CCT6A: variants seen among roughly 807,000 people sequenced by gnomAD.
CCT6A encodes the protein T-complex protein 1 subunit zeta.
A neutral mutation model predicts 58.6 loss-of-function variants in CCT6A; 6 were observed. The ratio of observed to expected loss-of-function variants is 0.10; its 90% CI spans 0.06 to 0.20. The LOEUF is 0.20. CCT6A is among the 10% of genes least tolerant of loss of function. The pLI, the probability that CCT6A is intolerant of heterozygous loss-of-function variation, is 1.00. For synonymous variants in CCT6A, 245 were observed against 227.8 expected (o/e 1.08, Z -0.68); for missense variants, 516 against 648.8 (o/e 0.80, Z 2.22).
chr7:56,058,353 TC>T lies in CCT6A; in HGVS notation c.726-8del, dbSNP rs758203138. On this transcript the variant is annotated splice_region_variant and splice_polypyrimidine_tract_variant and intron_variant, in intron 6 of 13. Transcript: ENST00000275603. Reference sequence around the variant, plus strand: ...CCCTGCTTTCTGTAACTTTTTTTTTTCTTAATAGAGAAGTGAATTCTGGCTT... The same window carrying T: ...CCCTGCTTTCTGTAACTTTTTTTTTTTTAATAGAGAAGTGAATTCTGGCTT... The T allele has an allele frequency of 3.2e-6, 5 of 1,555,088 alleles. No homozygotes were observed. Among genetic ancestry groups the T allele is most frequent in the Non-Finnish European group, 3.5e-6 (4 of 1,156,496 alleles).
At chr7:56,053,171 C>T (rs924866733) in intron 2 of CCT6A, among the ~76,000 whole-genome samples, 1 of 152,134 alleles carries the variant, frequency 6.6e-6, no homozygotes, top group African/African-American at 2.4e-5. Flanking sequence ...TGTCTCTTTG[C>T]AAGTCTTAGG....
rs1235581278 is a variant in CCT6A at position 56,059,582 on chromosome 7, T to C, written c.1007T>C (p.Phe336Ser). Residue 336 changes from phenylalanine to serine, a missense_variant, in exon 9 of 14, where the codon TTT becomes TCT. Physicochemically the swap from Phe to Ser is radical, Grantham distance 155. Coordinates refer to ENST00000275603, the MANE Select transcript of CCT6A (RefSeq NM_001762.4). ...TGTGGTGGGGTAGCCCTGAATTCTT[T>C]TGACGACCTAAGTCCTGACTGCTTG... ...LACGGVALNS[F>S]DDLSPDCLGH... 6.2e-7 allele frequency: 1 copy of C among 1,609,924 alleles called. No homozygotes were observed. Among genetic ancestry groups the C allele is most frequent in the Admixed American group, 1.7e-5 (1 of 60,010 alleles).
At chr7:56,058,978 T>A (rs1794373019) in intron 8 of CCT6A, 1 of 232,036 alleles carries the variant, frequency 4.3e-6, no homozygotes. Context: ...TATACTTTTT[T>A]CCAAAGAGCT....
chr7:56,060,112 ATTTCT>A (rs969233149), intron 9 of CCT6A, 152 bp from the exon 10 acceptor site: 7 of 624,988 alleles, frequency 1.1e-5, no homozygotes, highest in African/African-American at 7.4e-5. Context: ...GGAAAATCAC[ATTTCT>A]TTTATGTGAT....
rs747944355 is a variant in CCT6A at position 56,058,343 on chromosome 7, CTTTT to C, written c.726-12_726-9del. 17 of 1,431,148 alleles carry C rather than the reference CTTTT, an allele frequency of 1.2e-5. No individual in the cohort carries two copies. In the Admixed American group the frequency reaches 3.8e-4, roughly 32 times the overall value. 88.7% of individuals were successfully genotyped at this position (1,431,148 alleles called of 1,614,324 possible). A position where few individuals can be genotyped will look rare whatever the true frequency, so the allele number is the denominator to read the frequency against. On this transcript the variant is annotated splice_polypyrimidine_tract_variant and intron_variant, in intron 6 of 13. Transcript: ENST00000275603. Reference sequence around the variant, plus strand: ...CTTAATGTTTCCCTGCTTTCTGTAACTTTTTTTTTTCTTAATAGAGAAGTGAATT... The same window carrying C: ...CTTAATGTTTCCCTGCTTTCTGTAACTTTTTTCTTAATAGAGAAGTGAATT...
chr7:56,058,856 CTT>C, intron 8 of CCT6A, 154 bp downstream of exon 8: 3 of 501,140 alleles, frequency 6.0e-6, no homozygotes, highest in Non-Finnish European at 1.1e-5. Context: ...ATCTCTAGGA[CTT>C]TTTTCATCAT....
intron 3 of CCT6A, among the ~76,000 whole-genome samples, chr7:56,054,804 A>C (rs1248212721): frequency 6.6e-6 from 1 of 152,230 alleles, no homozygotes; most frequent in Non-Finnish European, 1.5e-5. Context: ...ATTTGTTAGG[A>C]AAAAGGCAAC....
rs146242535 is a variant in CCT6A, at chr7:56,058,051, G to T, written c.673G>T (p.Val225Leu). The change falls in exon 6 of 14, where the codon GTG (valine) becomes TTG (leucine). Residue 225 changes from valine (V) to leucine (L), a missense_variant. Val to Leu is a conservative substitution (Grantham distance 32). Transcript: ENST00000275603. ...GARHPDMKKR[V>L]EDAYILTCNV... ...ACGGCATCCTGATATGAAGAAAAGG[G>T]TGGAGGATGCATACATCCTCACTTG... 26 of 1,612,850 alleles carry T rather than the reference G, an allele frequency of 1.6e-5. No individual in the cohort carries two copies. The African/African-American group carries it at 3.2e-4, about 20-fold the overall frequency.
At chr7:56,054,806 A>T (rs73142776) in intron 3 of CCT6A, among the ~76,000 whole-genome samples, 2,144 of 152,346 alleles carry the variant, frequency 0.014, 18 homozygotes, top group Non-Finnish European at 0.023. Flanking sequence ...TTGTTAGGAA[A>T]AAGGCAACCA....
At chr7:56,061,712 C>CCTGTTTT in intron 11 of CCT6A, 35 bp from the exon 12 acceptor site, 1 of 400,676 alleles carries the variant, frequency 2.5e-6, no homozygotes, top group East Asian at 6.0e-5. Flanking sequence ...GTTATTAGTT[C>CCTGTTTT]CTGTTTTCTC....
intron 3 of CCT6A, 53 bp from the exon 4 acceptor site, chr7:56,055,571 A>G (rs1294577109): frequency 2.1e-6 from 3 of 1,441,298 alleles, no homozygotes; most frequent in East Asian, 4.6e-5. Context: ...CTTTATCATG[A>G]ACTATGGTTG....
chr7:56,061,373 GTTTTTTTTTTT>G (rs34651360), intron 11 of CCT6A, among the ~76,000 whole-genome samples: 5 of 117,620 alleles, frequency 4.3e-5, no homozygotes, highest in Admixed American at 2.9e-4. Flanking sequence ...TATGCAATGA[GTTTTTTTTTTT>G]TTTTTTTTTT....
At position 56,060,364 on chromosome 7, in the gene CCT6A, C is replaced by A. The variant is rs151087192; in HGVS notation, c.1161C>A (p.Ile387=). 23 of 1,613,662 alleles carry A rather than the reference C, an allele frequency of 1.4e-5. No homozygotes were observed. Among genetic ancestry groups the A allele is most frequent in the Non-Finnish European group, 1.9e-5 (23 of 1,179,760 alleles). ...KGPNKHTLTQ[I]KDAVRDGLRA... is the part of the protein sequence containing the mutation. ...CAAATAAGCACACACTCACTCAGAT[C>A]AAAGATGCAGTGAGGGACGGCTTGA... The change falls in exon 10 of 14, where the codon ATC becomes ATA. Residue 387 remains isoleucine (I), a synonymous_variant. Coordinates refer to ENST00000275603, the MANE Select transcript of CCT6A (RefSeq NM_001762.4).
intron 12 of CCT6A, chr7:56,062,100 A>G: frequency 3.1e-6 from 1 of 321,968 alleles, no homozygotes; most frequent in Non-Finnish European, 5.7e-6. Context: ...GTTCAGATTA[A>G]TGTTGAAGGA....
At chr7:56,060,196 C>T in intron 9 of CCT6A, 73 bp from the exon 10 acceptor site, 3 of 1,302,454 alleles carry the variant, frequency 2.3e-6, no homozygotes, top group Non-Finnish European at 3.3e-6. Flanking sequence ...ACTTGTCATT[C>T]TCTGTAAGTC....
chr7:56,059,963 A>G, intron 9 of CCT6A: 1 of 425,044 alleles, frequency 2.4e-6, no homozygotes, highest in East Asian at 4.4e-5. Flanking sequence ...CAGCCTCCCA[A>G]AGTGCTGAGA....
intron 1 of CCT6A, 76 bp from the exon 2 acceptor site, chr7:56,052,346 A>G (rs2117321515): frequency 2.9e-6 from 4 of 1,376,802 alleles, no homozygotes; most frequent in Non-Finnish European, 4.1e-6. Context: ...AAATCTGGGA[A>G]AAGCCCGTTT....
At chr7:56,057,182 C>A (rs1054066953) in intron 5 of CCT6A, among the ~76,000 whole-genome samples, 22 of 152,080 alleles carry the variant, frequency 1.4e-4, no homozygotes, top group African/African-American at 5.1e-4. Context: ...GTAATATTTT[C>A]TCCTGAAATA....
Position 56,055,768 on chromosome 7 carries a change from C to G in CCT6A, c.481C>G (p.His161Asp). 5.6e-6 allele frequency: 9 copies of G among 1,613,660 alleles called. No individual in the cohort carries two copies. The highest frequency in any genetic ancestry group is 3.3e-5 in the Admixed American group (2 of 60,008). The change falls in exon 4 of 14, where the codon CAT becomes GAT. Residue 161 changes from histidine to aspartate, a missense_variant. His to Asp is a moderately conservative substitution (Grantham distance 81). Coordinates refer to ENST00000275603, the MANE Select transcript of CCT6A (RefSeq NM_001762.4). ...VARTSLRTKV[H>D]AELADVLTEA... ...CAGAACATCTCTTCGTACTAAAGTT[C>G]ATGCTGAACTTGCAGATGTCTTAAC...
Sources: gnomAD v4.1 joint callset for allele counts (sites outside exome capture counted in the v4.1 genomes callset) on GRCh38, gnomAD v4.1.1 for gene constraint, MANE v1.5 for transcripts, NCBI Gene and HGNC (gene_info 2026-07-23, HGNC 2026-07-21) for gene names.